TENM4: variants seen among roughly 807,000 people sequenced by gnomAD.
The protein encoded by TENM4 is teneurin-4.
Under a neutral mutation model 243.3 loss-of-function variants are expected in TENM4, and 82 were observed. The observed-to-expected ratio is 0.34, with a 90% CI of 0.28 to 0.40. TENM4 has a LOEUF of 0.40. Ranked by LOEUF, TENM4 falls within the 10% of genes least tolerant of loss-of-function variation. The pLI, the probability that TENM4 is intolerant of heterozygous loss-of-function variation, is 1.00. For synonymous variants in TENM4, 1,412 were observed against 1,456.3 expected, an observed-to-expected ratio of 0.97 and a Z score of 0.69; for missense variants, 3,138 against 3,673.3, an observed-to-expected ratio of 0.85 and a Z score of 3.77.
chr11:78,910,889 G>A (rs1288447853), intron 6 of TENM4, among the ~76,000 whole-genome samples: 1 of 152,142 alleles, frequency 6.6e-6, no homozygotes, highest in East Asian at 1.9e-4. Flanking sequence ...AATCCCAGAT[G>A]GACTCACACA....
intron 10 of TENM4, among the ~76,000 whole-genome samples, chr11:78,859,339 C>T (rs971176112): frequency 6.6e-6 from 1 of 152,174 alleles, no homozygotes; most frequent in African/African-American, 2.4e-5. Flanking sequence ...ACAAACACTG[C>T]AAAAAGCTTA....
intron 8 of TENM4, 133 bp downstream of exon 8, chr11:78,891,105 C>T (rs613823): frequency 0.97 from 715,103 of 735,474 alleles, 348,479 homozygotes; most frequent in Non-Finnish European, 1. Context: ...AAGTTGAACA[C>T]GGACTTGGTG....
At chr11:79,239,015 A>T (rs1864536414) in intron 2 of TENM4, among the ~76,000 whole-genome samples, 1 of 144,402 alleles carries the variant, frequency 6.9e-6, no homozygotes, top group African/African-American at 2.5e-5. Flanking sequence ...ACAGAGCAAG[A>T]CTCTGTCTCA....
chr11:79,147,436 A>G (rs1208530060), intron 4 of TENM4, among the ~76,000 whole-genome samples: 1 of 152,060 alleles, frequency 6.6e-6, no homozygotes, highest in Admixed American at 6.6e-5. Flanking sequence ...GTATATTTCC[A>G]TAGCAACCCA....
At chr11:79,038,413 G>A (rs1221935952) in intron 6 of TENM4, among the ~76,000 whole-genome samples, 3 of 152,284 alleles carry the variant, frequency 2.0e-5, no homozygotes, top group East Asian at 3.9e-4. Flanking sequence ...TTAACTGTCT[G>A]TACTTCTCCT....
chr11:78,688,104 G>A lies in TENM4; in HGVS notation c.5210C>T (p.Thr1737Ile), dbSNP rs1425840299. The change falls in exon 29 of 34, where the codon ACC becomes ATC. Residue 1737 changes from threonine to isoleucine, a missense_variant. Thr to Ile is a moderately conservative substitution (Grantham distance 89). Transcript: ENST00000278550. ...QVETSSKDDV[T>I]ITTNLSASGA... ...TGAGGCAGACAGGTTGGTGGTTATGGTGACATCATCCTTGCTGGAGGTCTC... is the reference window on the plus strand; with the variant it reads ...TGAGGCAGACAGGTTGGTGGTTATGATGACATCATCCTTGCTGGAGGTCTC... The A allele has an allele frequency of 2.5e-6, 4 of 1,613,950 alleles. No homozygotes were observed. In the South Asian group the frequency reaches 4.4e-5, roughly 18 times the overall value.
intron 1 of TENM4, among the ~76,000 whole-genome samples, chr11:79,356,250 C>A (rs1476923421): frequency 6.6e-6 from 1 of 152,166 alleles, no homozygotes; most frequent in Admixed American, 6.5e-5. Flanking sequence ...AAGAGGGGAG[C>A]CCTGGATCAA....
chr11:78,739,351 A>G (rs1336793810), intron 19 of TENM4, among the ~76,000 whole-genome samples: 2 of 152,140 alleles, frequency 1.3e-5, no homozygotes, highest in South Asian at 2.1e-4. Flanking sequence ...TGAAGAGCCA[A>G]CTATTAATGA....
At chr11:78,718,507 C>T (rs1346782156) in intron 25 of TENM4, among the ~76,000 whole-genome samples, 1 of 152,188 alleles carries the variant, frequency 6.6e-6, no homozygotes, top group Non-Finnish European at 1.5e-5. Flanking sequence ...GAATGTGCAG[C>T]AGGGCTGGAC....
intron 6 of TENM4, among the ~76,000 whole-genome samples, chr11:78,970,058 A>T (rs1857509478): frequency 6.6e-6 from 1 of 152,266 alleles, no homozygotes; most frequent in Admixed American, 6.5e-5. Flanking sequence ...AATAAGTGAA[A>T]TTATACTCAG....
chr11:79,424,173 C>CA (rs1243571625), intron 1 of TENM4, among the ~76,000 whole-genome samples: 3 of 152,194 alleles, frequency 2.0e-5, no homozygotes, highest in African/African-American at 7.2e-5. Flanking sequence ...GAACTTTTGG[C>CA]AATGTCTGTC....
rs1334157685 is a variant in TENM4, at chr11:78,658,206, G to A, written c.8162C>T (p.Thr2721Ile). 1 of 1,614,006 alleles carries A rather than the reference G, an allele frequency of 6.2e-7. No individual in the cohort carries two copies. The highest frequency in any genetic ancestry group is 8.5e-7 in the Non-Finnish European group (1 of 1,179,896). ...CAGCACCTGCTGCTTCTCCCCCTCT[G>A]TCCAGGCCCGCAGGCCTTCCTCCCC... ...REGEEGLRAW[T>I]EGEKQQVLST... The change falls in exon 34 of 34, where the codon ACA becomes ATA. Residue 2721 changes from threonine to isoleucine, a missense_variant. Thr to Ile is a moderately conservative substitution (Grantham distance 89). This residue lies in a region of TENM4 where 2,467 missense variants were observed against 3,059.1 expected (regional missense o/e 0.81). Transcript: ENST00000278550.
chr11:78,954,045 A>C (rs1055739504), intron 6 of TENM4, among the ~76,000 whole-genome samples: 3 of 152,168 alleles, frequency 2.0e-5, no homozygotes, highest in Non-Finnish European at 4.4e-5. Flanking sequence ...GTTTAATCTC[A>C]AACACCTATA....
Position 78,732,466 on chromosome 11 carries a change from C to T in TENM4, c.2988G>A (p.Met996Ile). ...LWLPWDRFFV[M>I]ETIIMRHEEN... Reference sequence around the variant, plus strand: ...CCTCATGTCTCATGATGATGGTTTCCATGACAAAGAAGCGATCCCATGGCA... The same window carrying T: ...CCTCATGTCTCATGATGATGGTTTCTATGACAAAGAAGCGATCCCATGGCA... The change falls in exon 21 of 34, where the codon ATG becomes ATA. Residue 996 changes from methionine to isoleucine, a missense_variant. By Grantham distance (10) the Met-to-Ile change is conservative (BLOSUM62 1). Transcript: ENST00000278550. 1 of 1,613,768 alleles carries T rather than the reference C, an allele frequency of 6.2e-7. No individual in the cohort carries two copies. The highest frequency in any genetic ancestry group is 8.5e-7 in the Non-Finnish European group (1 of 1,179,826).
At chr11:78,663,350 A>G (rs939590721) in intron 32 of TENM4, among the ~76,000 whole-genome samples, 5 of 152,134 alleles carry the variant, frequency 3.3e-5, no homozygotes, top group African/African-American at 1.2e-4. Context: ...TAGTTTGAAT[A>G]TTTGTCCCCT....
chr11:79,333,217 A>C (rs1026949257), intron 1 of TENM4, among the ~76,000 whole-genome samples: 1 of 150,322 alleles, frequency 6.7e-6, no homozygotes, highest in East Asian at 2.0e-4. Flanking sequence ...GTCAGATTTC[A>C]TGGCCTGCCC....
intron 32 of TENM4, among the ~76,000 whole-genome samples, chr11:78,665,097 C>T (rs745383844): frequency 2.6e-5 from 4 of 152,168 alleles, no homozygotes; most frequent in Non-Finnish European, 5.9e-5. Context: ...GGTGTTGTCA[C>T]AGGGGAGTGA....
At chr11:79,173,352 T>C (rs1342626361) in intron 3 of TENM4, among the ~76,000 whole-genome samples, 1 of 152,088 alleles carries the variant, frequency 6.6e-6, no homozygotes, top group African/African-American at 2.4e-5. Context: ...ACATGAATGG[T>C]AAACTGAGGA....
intron 7 of TENM4, among the ~76,000 whole-genome samples, chr11:78,901,888 C>CG (rs767140637): frequency 4.5e-4 from 69 of 152,290 alleles, no homozygotes; most frequent in Non-Finnish European, 7.3e-4. Context: ...ATTTTGCTTT[C>CG]GGAAAAACAA....
Sources: gnomAD v4.1 joint callset for allele counts (sites outside exome capture counted in the v4.1 genomes callset) on GRCh38, gnomAD v4.1.1 for gene constraint, gnomAD v4.1.1 regional missense constraint, MANE v1.5 for transcripts, NCBI Gene and HGNC (gene_info 2026-07-23, HGNC 2026-07-21) for gene names.